The following WWOX variants were observed in gnomAD, a reference collection of about 807,000 sequenced individuals.
The protein encoded by WWOX is WW domain containing oxidoreductase.
In WWOX, 69 loss-of-function variants were observed where a neutral mutation model predicts 46.2. That is an observed-to-expected ratio of 1.49 (90% CI 1.23 to 1.82). The LOEUF (loss-of-function observed/expected upper bound fraction) is 1.82. Among genes scored for constraint, WWOX ranks in the 40% most tolerant of loss-of-function variants. WWOX has a pLI of 0.00. For missense variants in WWOX, 919 were observed against 542.6 expected (o/e 1.69, Z -6.89); for synonymous variants, 359 against 202.6 (o/e 1.77, Z -6.56).
intron 8 of WWOX, among the ~76,000 whole-genome samples, chr16:78,946,884 C>T (rs993551164): frequency 6.6e-6 from 1 of 152,076 alleles, no homozygotes; most frequent in Non-Finnish European, 1.5e-5. Flanking sequence ...GAGGACATCA[C>T]ACGATGACCT....
At chr16:78,611,096 G>T (rs1052069375) in intron 8 of WWOX, among the ~76,000 whole-genome samples, 1 of 152,118 alleles carries the variant, frequency 6.6e-6, no homozygotes, top group Admixed American at 6.5e-5. Context: ...CAGTGTGTGT[G>T]GTCACCAAAG....
intron 8 of WWOX, among the ~76,000 whole-genome samples, chr16:78,802,914 TG>T (rs2050927751): frequency 1.1e-4 from 2 of 18,438 alleles, no homozygotes; most frequent in African/African-American, 3.3e-4. Flanking sequence ...AGACTTCATC[TG>T]AAAAAAAAAA....
intron 8 of WWOX, among the ~76,000 whole-genome samples, chr16:78,816,502 C>CTTTTTTTTTTTT (rs55814418): frequency 9.5e-5 from 4 of 42,088 alleles, no homozygotes; most frequent in African/African-American, 9.2e-5. Flanking sequence ...AGGAGCCACT[C>CTTTTTTTTTTTT]TTTTTTTTTT....
chr16:78,233,291 G>A (rs546791690), intron 5 of WWOX, among the ~76,000 whole-genome samples: 1 of 143,690 alleles, frequency 7.0e-6, no homozygotes, highest in African/African-American at 2.6e-5. Context: ...TAGCCACGTA[G>A]AGGACATTAA....
chr16:78,901,369 G>A (rs1287929856), intron 8 of WWOX, among the ~76,000 whole-genome samples: 2 of 152,174 alleles, frequency 1.3e-5, no homozygotes, highest in East Asian at 1.9e-4. Flanking sequence ...AAATATTTCG[G>A]ATGGAATTTT....
intron 8 of WWOX, among the ~76,000 whole-genome samples, chr16:79,028,064 G>A (rs917523004): frequency 6.6e-6 from 1 of 151,668 alleles, no homozygotes; most frequent in Non-Finnish European, 1.5e-5. Context: ...CCATTCTCCT[G>A]CTCTGCCTCC....
intron 6 of WWOX, among the ~76,000 whole-genome samples, chr16:78,391,281 T>C (rs2082169828): frequency 6.6e-6 from 1 of 152,216 alleles, no homozygotes. Flanking sequence ...GTTGTTTGTT[T>C]TATGCAAGGC....
chr16:79,208,688 T>G (rs118106460), intron 8 of WWOX, among the ~76,000 whole-genome samples: 3,609 of 152,254 alleles, frequency 0.024, 76 homozygotes, highest in Non-Finnish European at 0.034. Context: ...ACCTGCTTGT[T>G]TACTATTGAG....
chr16:78,638,698 C>G (rs1418837881), intron 8 of WWOX, among the ~76,000 whole-genome samples: 1 of 152,116 alleles, frequency 6.6e-6, no homozygotes, highest in African/African-American at 2.4e-5. Context: ...ACTTCAGATT[C>G]CAATCGAATA....
At chr16:79,058,190 G>C (rs1020482029) in intron 8 of WWOX, among the ~76,000 whole-genome samples, 8 of 151,506 alleles carry the variant, frequency 5.3e-5, no homozygotes, top group Non-Finnish European at 8.8e-5. Flanking sequence ...TACCTGTATA[G>C]AGAGAGTCAG....
chr16:78,318,156 T>C (rs2151881229), intron 5 of WWOX, among the ~76,000 whole-genome samples: 1 of 152,182 alleles, frequency 6.6e-6, no homozygotes, highest in Admixed American at 6.5e-5. Flanking sequence ...AATTCAGAGT[T>C]AGAGGGTGAC....
intron 8 of WWOX, among the ~76,000 whole-genome samples, chr16:78,567,552 CAAAAAAAAA>C (rs71272440): frequency 3.8e-5 from 2 of 52,136 alleles, no homozygotes; most frequent in African/African-American, 1.5e-4. Context: ...GACTCCGTCT[CAAAAAAAAA>C]AAAAAAAAAA....
intron 5 of WWOX, among the ~76,000 whole-genome samples, chr16:78,359,597 A>C (rs907981008): frequency 3.3e-5 from 5 of 152,208 alleles, no homozygotes; most frequent in African/African-American, 1.2e-4. Context: ...TTATGAGTTA[A>C]AGCAAGATTT....
chr16:78,454,489 T>TTTCG (rs2083769661), intron 8 of WWOX, among the ~76,000 whole-genome samples: 1 of 142,050 alleles, frequency 7.0e-6, no homozygotes, highest in Non-Finnish European at 1.5e-5. Flanking sequence ...GTTTTTGTGT[T>TTTCG]TTTGTTTGTT....
At chr16:79,178,442 G>A (rs191345630) in intron 8 of WWOX, among the ~76,000 whole-genome samples, 100 of 152,114 alleles carry the variant, frequency 6.6e-4, no homozygotes, top group Admixed American at 1.5e-3. Flanking sequence ...TTAGCCACCC[G>A]AGTAGCTGGA....
intron 8 of WWOX, among the ~76,000 whole-genome samples, chr16:78,999,084 G>C (rs1172101248): frequency 6.6e-6 from 1 of 151,988 alleles, no homozygotes; most frequent in South Asian, 2.1e-4. Flanking sequence ...TCAAAAGTAG[G>C]TTTGCGCAAC....
intron 8 of WWOX, among the ~76,000 whole-genome samples, chr16:78,894,279 C>G (rs1244696947): frequency 6.6e-6 from 1 of 152,064 alleles, no homozygotes; most frequent in South Asian, 2.1e-4. Context: ...ACACACACAT[C>G]TAATTGTTGT....
intron 8 of WWOX, among the ~76,000 whole-genome samples, chr16:78,771,118 G>A (rs565859115): frequency 1.3e-5 from 2 of 152,290 alleles, no homozygotes; most frequent in East Asian, 3.9e-4. Flanking sequence ...GTGGATGAAG[G>A]GAAGAGAATT....
intron 8 of WWOX, among the ~76,000 whole-genome samples, chr16:78,740,006 G>A (rs1326212309): frequency 6.6e-6 from 1 of 152,090 alleles, no homozygotes; most frequent in Admixed American, 6.5e-5. Context: ...CAGGAGTCGA[G>A]CCCTGTGGTG....
Sources: gnomAD v4.1 joint callset for allele counts (sites outside exome capture counted in the v4.1 genomes callset) on GRCh38, gnomAD v4.1.1 for gene constraint, MANE v1.5 for transcripts, NCBI Gene and HGNC (gene_info 2026-07-23, HGNC 2026-07-21) for gene names.